MYO5B: variants seen among roughly 807,000 people sequenced by gnomAD.
The protein encoded by MYO5B is unconventional myosin-Vb.
Under a neutral mutation model 229.3 loss-of-function variants are expected in MYO5B, and 143 were observed. That is an observed-to-expected ratio of 0.62 (90% CI 0.54 to 0.72). The LOEUF (loss-of-function observed/expected upper bound fraction) is 0.72. MYO5B is among the 30% of genes least tolerant of loss of function. The pLI is 0.00. For missense variants in MYO5B, 2,321 were observed against 2,331.0 expected (o/e 1.00, Z 0.09); for synonymous variants, 918 against 885.2 (o/e 1.04, Z -0.66).
intron 37 of MYO5B, 85 bp from the exon 38 acceptor site, chr18:49,836,970 C>A: frequency 7.6e-7 from 1 of 1,308,192 alleles, no homozygotes; most frequent in Admixed American, 1.9e-5. Context: ...TTTGCAGGCC[C>A]GCTGCAGCTA....
chr18:49,997,588 T>A (rs376492988), intron 5 of MYO5B, among the ~76,000 whole-genome samples: 38 of 152,136 alleles, frequency 2.5e-4, no homozygotes, highest in African/African-American at 9.2e-4. Flanking sequence ...GTCTCTTGAT[T>A]ATCAATGTTC....
At chr18:50,086,193 C>G (rs536433546) in intron 1 of MYO5B, among the ~76,000 whole-genome samples, 13 of 152,212 alleles carry the variant, frequency 8.5e-5, no homozygotes, top group African/African-American at 3.1e-4. Flanking sequence ...TCTACTCACT[C>G]CAGATTTTTA....
Position 49,912,082 on chromosome 18 carries a change from C to T in MYO5B, c.2182G>A (p.Val728Ile), listed in dbSNP as rs765385481. The T allele has an allele frequency of 6.2e-7, 1 of 1,613,998 alleles. No homozygotes were observed. Among genetic ancestry groups the T allele is most frequent in the Non-Finnish European group, 8.5e-7 (1 of 1,179,998 alleles). The change falls in exon 18 of 40, where the codon GTC (valine) becomes ATC (isoleucine). Residue 728 changes from valine to isoleucine, a missense_variant. Transcript: ENST00000285039. ...NTDKKAICRS[V>I]LENLIKDPDK... ...CTCACCTTGATGAGGTTCTCCAGGA[C>T]AGACCTGCAGATGGCCTTTTTGTCT... is the stretch of plus-strand genomic sequence containing the variant.
chr18:49,887,879 T>G (rs1222260477), intron 22 of MYO5B, among the ~76,000 whole-genome samples: 5 of 151,772 alleles, frequency 3.3e-5, no homozygotes, highest in Non-Finnish European at 7.4e-5. Context: ...AGTAGAGACG[T>G]GTTTCATCAT....
At chr18:50,147,760 T>G (rs1221722765) in intron 1 of MYO5B, among the ~76,000 whole-genome samples, 4 of 152,034 alleles carry the variant, frequency 2.6e-5, no homozygotes, top group African/African-American at 9.7e-5. Flanking sequence ...CCCTCATCTC[T>G]CTCCAGTGCC....
chr18:50,166,954 C>T (rs1328980419), intron 1 of MYO5B, among the ~76,000 whole-genome samples: 1 of 152,164 alleles, frequency 6.6e-6, no homozygotes, highest in African/African-American at 2.4e-5. Context: ...CTTGAATGCA[C>T]ATACTGAATC....
In MYO5B at chr18:49,981,498, G is replaced by A. The variant is rs76658332; in HGVS notation, c.947-945C>T. Among the ~76,000 whole-genome samples the A allele has an allele frequency of 8.8e-3, 1,332 of 152,202 alleles. 11 individuals are homozygous for A. The highest frequency in any genetic ancestry group is 0.03 in the African/African-American group (1,253 of 41,506). On this transcript the variant is annotated intron_variant, in intron 8 of 39. Coordinates refer to ENST00000285039, the MANE Select transcript of MYO5B (RefSeq NM_001080467.3). ...GACAACCCAAGCAACATTAACTCTAGGCTTTTATGTTAGATGGCCACTACC... is the reference window on the plus strand; with the variant it reads ...GACAACCCAAGCAACATTAACTCTAAGCTTTTATGTTAGATGGCCACTACC...
intron 9 of MYO5B, among the ~76,000 whole-genome samples, chr18:49,976,265 CTG>C (rs1005976279): frequency 5.9e-5 from 9 of 152,178 alleles, no homozygotes; most frequent in African/African-American, 1.7e-4. Context: ...ACACAGATAA[CTG>C]TATTATTTCT....
At chr18:49,887,861 G>A (rs1248853635) in intron 22 of MYO5B, among the ~76,000 whole-genome samples, 2 of 150,962 alleles carry the variant, frequency 1.3e-5, no homozygotes, top group African/African-American at 2.4e-5. Flanking sequence ...TTTTTTTGTT[G>A]TATTTTTAGT....
Position 49,841,409 on chromosome 18 carries a change from T to C in MYO5B, c.4657A>G (p.Thr1553Ala), listed in dbSNP as rs1372323317. 3.1e-6 allele frequency: 5 copies of C among 1,614,034 alleles called. No individual in the cohort carries two copies. The highest frequency in any genetic ancestry group is 4.2e-6 in the Non-Finnish European group (5 of 1,180,024). Residue 1553 changes from threonine to alanine, a missense_variant, in exon 35 of 40, where the codon ACC becomes GCC. Physicochemically the swap from Thr to Ala is moderately conservative, Grantham distance 58. Coordinates refer to ENST00000285039, the MANE Select transcript of MYO5B (RefSeq NM_001080467.3). Reference sequence around the variant, plus strand: ...TTCAGACAGTGAAGAAGGCGGCAGGTGTTGGATAACCAGAATGACGTCATC... The same window carrying C: ...TTCAGACAGTGAAGAAGGCGGCAGGCGTTGGATAACCAGAATGACGTCATC... ...FEMTSFWLSN[T>A]CRLLHCLKQY...
intron 33 of MYO5B, among the ~76,000 whole-genome samples, chr18:49,846,268 C>G (rs1438051206): frequency 6.6e-6 from 1 of 152,190 alleles, no homozygotes; most frequent in Non-Finnish European, 1.5e-5. Context: ...CACCTGGCAT[C>G]TTGTTATGTG....
chr18:50,108,886 A>G (rs2031812141), intron 1 of MYO5B, among the ~76,000 whole-genome samples: 2 of 152,210 alleles, frequency 1.3e-5, no homozygotes, highest in South Asian at 4.1e-4. Context: ...CAGCTGGGCT[A>G]GCTGGGTGAG....
At chr18:49,974,239 G>T in intron 10 of MYO5B, 111 bp downstream of exon 10, 2 of 1,503,512 alleles carry the variant, frequency 1.3e-6, no homozygotes, top group Non-Finnish European at 1.8e-6. Flanking sequence ...ATTTTAAACT[G>T]CCCTAAGTTG....
intron 1 of MYO5B, among the ~76,000 whole-genome samples, chr18:50,082,371 T>C (rs994631604): frequency 6.6e-5 from 10 of 152,208 alleles, no homozygotes; most frequent in Non-Finnish European, 1.3e-4. Flanking sequence ...TGCAAAAAGA[T>C]TGTTTCTAGT....
At chr18:49,922,118 A>G (rs902507618) in intron 17 of MYO5B, among the ~76,000 whole-genome samples, 11 of 152,194 alleles carry the variant, frequency 7.2e-5, no homozygotes, top group African/African-American at 2.7e-4. Flanking sequence ...AAGGTCTCCT[A>G]AAGTCACATC....
At chr18:49,964,983 G>A (rs371273599) in intron 10 of MYO5B, among the ~76,000 whole-genome samples, 1 of 152,202 alleles carries the variant, frequency 6.6e-6, no homozygotes, top group Non-Finnish European at 1.5e-5. Flanking sequence ...GAGAGATTCC[G>A]AAGGATGTCA....
intron 1 of MYO5B, among the ~76,000 whole-genome samples, chr18:50,151,794 G>A (rs2032603147): frequency 1.3e-5 from 2 of 152,108 alleles, no homozygotes; most frequent in Non-Finnish European, 2.9e-5. Flanking sequence ...AAGGATGTGA[G>A]TGAGGATGAG....
chr18:50,126,708 G>A (rs1599040449), intron 1 of MYO5B: 1 of 154,034 alleles, frequency 6.5e-6, no homozygotes, highest in East Asian at 1.9e-4. Context: ...ATGGGTCTCA[G>A]AACAGCAGCA....
chr18:49,926,599 AC>A (rs2025130947), intron 17 of MYO5B, among the ~76,000 whole-genome samples: 1 of 152,132 alleles, frequency 6.6e-6, no homozygotes, highest in Admixed American at 6.5e-5. Flanking sequence ...GCCACCCTTC[AC>A]CCCTATTTCA....
Sources: gnomAD v4.1 joint callset for allele counts (sites outside exome capture counted in the v4.1 genomes callset) on GRCh38, gnomAD v4.1.1 for gene constraint, MANE v1.5 for transcripts, NCBI Gene and HGNC (gene_info 2026-07-23, HGNC 2026-07-21) for gene names.